FSTL4: variants seen among roughly 807,000 people sequenced by gnomAD.
FSTL4 encodes the protein follistatin-related protein 4.
In FSTL4, 28 loss-of-function variants were observed where a neutral mutation model predicts 78.2. The observed-to-expected ratio is 0.36, with a 90% CI of 0.27 to 0.49. The LOEUF (loss-of-function observed/expected upper bound fraction) is 0.49. Among genes scored for constraint, FSTL4 ranks in the 20% least tolerant of loss-of-function variants. The pLI is 0.98. For missense variants in FSTL4, 922 were observed against 1,084.9 expected (o/e 0.85, Z 2.11); for synonymous variants, 422 against 440.5 (o/e 0.96, Z 0.53).
At position 133,335,185 on chromosome 5, in the gene FSTL4, C is replaced by T. The variant is rs145550485; in HGVS notation, c.410-18533G>A. Among the ~76,000 whole-genome samples the T allele has an allele frequency of 3.3e-4, 51 of 152,292 alleles. No individual in the cohort carries two copies. In the East Asian group the frequency reaches 4.3e-3, roughly 13 times the overall value. On this transcript the variant is annotated intron_variant, in intron 4 of 15. Coordinates refer to ENST00000265342, the MANE Select transcript of FSTL4 (RefSeq NM_015082.2). ...GTATGGAGGCAGGTGCTCAGTTAGTCTGTTCTTGGTGAGGGTTTGTCATGG... is the reference window on the plus strand; with the variant it reads ...GTATGGAGGCAGGTGCTCAGTTAGTTTGTTCTTGGTGAGGGTTTGTCATGG...
chr5:133,211,261 A>G (rs550517184), intron 13 of FSTL4, among the ~76,000 whole-genome samples: 2 of 152,296 alleles, frequency 1.3e-5, no homozygotes, highest in African/African-American at 4.8e-5. Flanking sequence ...ACTCTGTTCT[A>G]TAATGCTCAT....
chr5:133,295,465 GCCTT>G, intron 6 of FSTL4, among the ~76,000 whole-genome samples: 1 of 152,128 alleles, frequency 6.6e-6, no homozygotes, highest in Admixed American at 6.6e-5. Context: ...GTTTGCAAAA[GCCTT>G]CTTGGCCCTG....
chr5:133,482,643 G>A (rs1038526292), intron 3 of FSTL4, among the ~76,000 whole-genome samples: 1 of 152,212 alleles, frequency 6.6e-6, no homozygotes, highest in Non-Finnish European at 1.5e-5. Flanking sequence ...GCTATGGTGA[G>A]AGTGAGCAGG....
At chr5:133,599,102 G>A (rs1370740428) in intron 2 of FSTL4, among the ~76,000 whole-genome samples, 1 of 152,170 alleles carries the variant, frequency 6.6e-6, no homozygotes, top group Non-Finnish European at 1.5e-5. Context: ...ATCAGAAAGG[G>A]TGGTTGGGGG....
At chr5:133,418,276 CT>C (rs1429412748) in intron 3 of FSTL4, among the ~76,000 whole-genome samples, 1 of 151,758 alleles carries the variant, frequency 6.6e-6, no homozygotes, top group Non-Finnish European at 1.5e-5. Context: ...AAGAGTATTT[CT>C]ATAGCTATTA....
At chr5:133,513,905 G>T (rs1360200453) in intron 3 of FSTL4, among the ~76,000 whole-genome samples, 1 of 152,096 alleles carries the variant, frequency 6.6e-6, no homozygotes, top group Non-Finnish European at 1.5e-5. Flanking sequence ...GGGGCCGGGC[G>T]CGGTGGCTCA....
intron 2 of FSTL4, among the ~76,000 whole-genome samples, chr5:133,588,443 AAAAC>A (rs1760555876): frequency 2.2e-5 from 1 of 46,154 alleles, no homozygotes; most frequent in Non-Finnish European, 4.2e-5. Context: ...TTACAAGAAA[AAAAC>A]AAACAACCCC....
At chr5:133,295,990 C>T (rs777433488) in intron 6 of FSTL4, among the ~76,000 whole-genome samples, 4 of 152,222 alleles carry the variant, frequency 2.6e-5, no homozygotes, top group Non-Finnish European at 5.9e-5. Flanking sequence ...GCCTAGCCCT[C>T]TCCTCGTCTA....
At chr5:133,627,092 G>A in the FSTL4 span, among the ~76,000 whole-genome samples, 1 of 140,906 alleles carries the variant, frequency 7.1e-6, no homozygotes, top group Non-Finnish European at 1.5e-5. Context: ...ATTTAGTATT[G>A]TTATATCTCC....
At chr5:133,599,365 G>C (rs931720148) in intron 2 of FSTL4, among the ~76,000 whole-genome samples, 2 of 152,080 alleles carry the variant, frequency 1.3e-5, no homozygotes, top group Non-Finnish European at 2.9e-5. Flanking sequence ...TGCTGTCTTA[G>C]GCTGACCCCT....
the FSTL4 span, among the ~76,000 whole-genome samples, chr5:133,653,213 C>T: frequency 3.3e-5 from 5 of 152,148 alleles, no homozygotes; most frequent in Admixed American, 3.3e-4. Flanking sequence ...AGGGAAAACT[C>T]AGGTGAAGGA....
At chr5:133,785,004 A>G in the FSTL4 span, among the ~76,000 whole-genome samples, 1 of 152,188 alleles carries the variant, frequency 6.6e-6, no homozygotes, top group Non-Finnish European at 1.5e-5. Context: ...CCAAGGGAAT[A>G]AGGCCATAAG....
chr5:133,669,831 C>A, the FSTL4 span, among the ~76,000 whole-genome samples: 1 of 152,224 alleles, frequency 6.6e-6, no homozygotes, highest in Non-Finnish European at 1.5e-5. Flanking sequence ...CTAGGCTAAC[C>A]TCCCCGCACT....
chr5:133,319,575 A>G (rs947737114), intron 4 of FSTL4, among the ~76,000 whole-genome samples: 7 of 152,296 alleles, frequency 4.6e-5, no homozygotes, highest in Non-Finnish European at 8.8e-5. Context: ...TGGCTGGGCT[A>G]GAGGGGCTGA....
chr5:133,740,451 G>A, the FSTL4 span, among the ~76,000 whole-genome samples: 1 of 152,140 alleles, frequency 6.6e-6, no homozygotes, highest in African/African-American at 2.4e-5. Flanking sequence ...GATAGTGTGT[G>A]CCAACCCGCC....
the FSTL4 span, among the ~76,000 whole-genome samples, chr5:133,626,610 T>A: frequency 1.3e-5 from 2 of 151,768 alleles, no homozygotes. Context: ...GTTTAATATA[T>A]TTTTTTATTT....
At chr5:133,606,711 A>G (rs1263197508) in intron 1 of FSTL4, among the ~76,000 whole-genome samples, 1 of 152,204 alleles carries the variant, frequency 6.6e-6, no homozygotes, top group East Asian at 1.9e-4. Flanking sequence ...TAAACGAAAA[A>G]CAGCAAGATA....
At chr5:133,347,311 G>C (rs1343293874) in intron 4 of FSTL4, among the ~76,000 whole-genome samples, 1 of 152,100 alleles carries the variant, frequency 6.6e-6, no homozygotes, top group Non-Finnish European at 1.5e-5. Flanking sequence ...CCTGGGCAGC[G>C]TACAGGTGAC....
intron 1 of FSTL4, among the ~76,000 whole-genome samples, chr5:133,610,676 C>T (rs1761070455): frequency 6.6e-6 from 1 of 152,174 alleles, no homozygotes; most frequent in African/African-American, 2.4e-5. Context: ...CCCAGGTGGA[C>T]CCCCCGCCAA....
Sources: allele counts gnomAD v4.1 joint callset (sites outside exome capture counted in the v4.1 genomes callset), GRCh38; gene constraint gnomAD v4.1.1; transcripts MANE v1.5; gene names NCBI Gene and HGNC (gene_info 2026-07-23, HGNC 2026-07-21).